The following PDGFRL variants were observed in gnomAD, a reference collection of about 807,000 sequenced individuals.
The protein encoded by PDGFRL is platelet derived growth factor receptor like, also known as platelet-derived growth factor receptor-like protein.
In PDGFRL, 46 loss-of-function variants were observed where a neutral mutation model predicts 37.2. That is an observed-to-expected ratio of 1.24 (90% CI 0.98 to 1.58). The LOEUF is 1.58. Among genes scored for constraint, PDGFRL ranks in the 40% most tolerant of loss-of-function variants. The probability of loss-of-function intolerance (pLI) is 0.00; values close to 1 mark genes in which losing one functional copy is unlikely to be tolerated. For synonymous variants in PDGFRL, 251 were observed against 184.3 expected, an observed-to-expected ratio of 1.36 and a Z score of -2.93; for missense variants, 692 against 467.6, an observed-to-expected ratio of 1.48 and a Z score of -4.43.
At position 17,628,705 on chromosome 8, in the gene PDGFRL, G is replaced by A. The variant is rs766969475; in HGVS notation, c.724G>A (p.Gly242Ser). 3 of 1,614,048 alleles carry A rather than the reference G, an allele frequency of 1.9e-6. No homozygotes were observed. The highest frequency in any genetic ancestry group is 1.7e-5 in the Admixed American group (1 of 60,014). ...VYLQPHSEHQ[G>S]VVYCRAEAGG... is the part of the protein sequence containing the mutation. ...TCTGCAACCTCATTCCGAGCACCAG[G>A]GTGTGGTTTACTGCAGGGCGGAGGC... is the stretch of plus-strand genomic sequence containing the variant. The change falls in exon 4 of 6, where the codon GGT (glycine) becomes AGT (serine). Residue 242 changes from glycine (G) to serine (S), a missense_variant. Coordinates refer to ENST00000251630, the MANE Select transcript of PDGFRL (RefSeq NM_001372073.1).
At chr8:17,585,354 C>T (rs1330935856) in intron 1 of PDGFRL, among the ~76,000 whole-genome samples, 1 of 151,954 alleles carries the variant, frequency 6.6e-6, no homozygotes, top group Non-Finnish European at 1.5e-5. Context: ...AGCCCCTATT[C>T]AAGATGGAGT....
At chr8:17,594,934 G>A (rs984661996) in intron 2 of PDGFRL, among the ~76,000 whole-genome samples, 1 of 152,178 alleles carries the variant, frequency 6.6e-6, no homozygotes, top group African/African-American at 2.4e-5. Flanking sequence ...ACATGGATGT[G>A]CATATATTTC....
In PDGFRL at chr8:17,589,705, G is replaced by T; in HGVS notation, c.293G>T (p.Gly98Val). 2 of 1,613,530 alleles carry T rather than the reference G, an allele frequency of 1.2e-6. No homozygotes were observed. The highest frequency in any genetic ancestry group is 1.7e-6 in the Non-Finnish European group (2 of 1,179,518). Residue 98 changes from glycine (G) to valine (V), a missense_variant, in exon 2 of 6, where the codon GGG (glycine) becomes GTG (valine). Coordinates refer to ENST00000251630, the MANE Select transcript of PDGFRL (RefSeq NM_001372073.1). ...AGQTVELRCK[G>V]SRIGWSYPAY... ...CAAACTGTAGAGCTTCGATGTAAAG[G>T]GAGTAGAATTGGGTGGAGCTACCCT... is the stretch of plus-strand genomic sequence containing the variant.
chr8:17,619,324 T>G (rs752877985), intron 2 of PDGFRL, among the ~76,000 whole-genome samples: 36 of 152,210 alleles, frequency 2.4e-4, no homozygotes, highest in Non-Finnish European at 4.0e-4. Context: ...CACAATATAA[T>G]AGAATTAATT....
chr8:17,605,805 T>G (rs1483579516), intron 2 of PDGFRL, among the ~76,000 whole-genome samples: 1 of 152,244 alleles, frequency 6.6e-6, no homozygotes, highest in African/African-American at 2.4e-5. Flanking sequence ...TTAGCATTTT[T>G]TCAGTCAAAA....
At chr8:17,630,780 A>C (rs1804845833) in intron 4 of PDGFRL, among the ~76,000 whole-genome samples, 1 of 151,894 alleles carries the variant, frequency 6.6e-6, no homozygotes, top group African/African-American at 2.4e-5. Flanking sequence ...ACAGATAGTG[A>C]CTCCAGTGGT....
At chr8:17,583,973 C>G (rs1230059889) in intron 1 of PDGFRL, among the ~76,000 whole-genome samples, 2 of 152,276 alleles carry the variant, frequency 1.3e-5, no homozygotes, top group East Asian at 3.9e-4. Context: ...CCTCAGCTAT[C>G]CCTTTATAGC....
chr8:17,643,078 A>G lies in PDGFRL; in HGVS notation c.*277A>G, dbSNP rs1440930542. 6.2e-6 allele frequency: 2 copies of G among 322,308 alleles called. No individual in the cohort carries two copies. The highest frequency in any genetic ancestry group is 5.7e-5 in the East Asian group (1 of 17,632). The allele number at this position is 322,308 out of a possible 1,614,324, so 20.0% of individuals were successfully genotyped here. On this transcript the variant is annotated 3_prime_UTR_variant, in exon 6 of 6. Coordinates refer to ENST00000251630, the MANE Select transcript of PDGFRL (RefSeq NM_001372073.1). ...ATGTGTAAACAATTTTATATAATCA[A>G]TCATTTCTATTAAATGAGCACGTTT...
chr8:17,616,047 A>T (rs531888161), intron 2 of PDGFRL, among the ~76,000 whole-genome samples: 1 of 152,350 alleles, frequency 6.6e-6, no homozygotes, highest in East Asian at 1.9e-4. Context: ...AAGTCTGAAG[A>T]GTAGGTGAAG....
At chr8:17,601,472 C>G (rs1260416914) in intron 2 of PDGFRL, among the ~76,000 whole-genome samples, 13 of 148,860 alleles carry the variant, frequency 8.7e-5, no homozygotes. Context: ...TTTTTTTCCT[C>G]TTTCTAACTT....
In PDGFRL at chr8:17,628,442, T is replaced by C. The variant is rs199740487; in HGVS notation, c.506-45T>C. ...AAAATCCTTAAGGGTGCTTTTACTT[T>C]GCGTCTCCGGAGTGAATAAGCCTGT... On this transcript the variant is annotated intron_variant, in intron 3 of 5. Transcript: ENST00000251630. 1.4e-4 allele frequency: 215 copies of C among 1,520,858 alleles called. No individual in the cohort carries two copies. In the East Asian group the frequency reaches 3.7e-3, roughly 26 times the overall value. 94.2% of individuals were successfully genotyped at this position (1,520,858 alleles called of 1,614,324 possible).
At position 17,585,657 on chromosome 8, in the gene PDGFRL, T is replaced by C. The variant is rs557265308; in HGVS notation, c.56-3811T>C. ...TGAGGAGCTACTTTTAGGGATGGCCTTTCCCCTTTACTGCCCATCAGGGAG... is the reference window on the plus strand; with the variant it reads ...TGAGGAGCTACTTTTAGGGATGGCCCTTCCCCTTTACTGCCCATCAGGGAG... On this transcript the variant is annotated intron_variant, in intron 1 of 5. Coordinates refer to ENST00000251630, the MANE Select transcript of PDGFRL (RefSeq NM_001372073.1). Among the ~76,000 whole-genome samples, 532 of 152,250 alleles carry C rather than the reference T, an allele frequency of 3.5e-3. 3 individuals are homozygous for C. The highest frequency in any genetic ancestry group is 6.8e-3 in the Middle Eastern group (2 of 294).
Position 17,642,675 on chromosome 8 carries a change from C to A in PDGFRL, c.1002C>A (p.Thr334=). 1 of 1,604,532 alleles carries A rather than the reference C, an allele frequency of 6.2e-7. No homozygotes were observed. Among genetic ancestry groups the A allele is most frequent in the Admixed American group, 1.7e-5 (1 of 60,024 alleles). The stretch of plus-strand genomic sequence containing the variant: ...TGATCCACAGAGGACTGGGACACAC[C>A]ACGAGAATCTCCCAGAGTGTCATTA... ...WRLIHRGLGH[T]TRISQSVITV... is the part of the protein sequence containing the mutation. The change falls in exon 6 of 6, where the codon ACC becomes ACA. Residue 334 remains threonine, a synonymous_variant. Transcript: ENST00000251630.
At chr8:17,608,681 A>G (rs959343448) in intron 2 of PDGFRL, among the ~76,000 whole-genome samples, 1 of 152,126 alleles carries the variant, frequency 6.6e-6, no homozygotes, top group Admixed American at 6.5e-5. Flanking sequence ...TGAGGGGGGA[A>G]AAAAGACAGA....
intron 2 of PDGFRL, among the ~76,000 whole-genome samples, chr8:17,590,943 T>TG (rs946180377): frequency 4.7e-5 from 7 of 149,052 alleles, no homozygotes; most frequent in African/African-American, 1.5e-4. Flanking sequence ...AGTGCAGTGG[T>TG]GCCATCTTGG....
chr8:17,624,919 C>A (rs1274037348), intron 3 of PDGFRL, among the ~76,000 whole-genome samples: 1 of 152,062 alleles, frequency 6.6e-6, no homozygotes, highest in Non-Finnish European at 1.5e-5. Flanking sequence ...TCTCAAAATA[C>A]TGAATTTGTT....
At chr8:17,638,670 G>A (rs1315791855) in intron 5 of PDGFRL, among the ~76,000 whole-genome samples, 1 of 140,910 alleles carries the variant, frequency 7.1e-6, no homozygotes, top group Admixed American at 7.5e-5. Flanking sequence ...TTACTGTGTT[G>A]CAGTCTATCT....
chr8:17,631,496 A>C (rs1804860443), intron 4 of PDGFRL, among the ~76,000 whole-genome samples: 1 of 151,788 alleles, frequency 6.6e-6, no homozygotes, highest in African/African-American at 2.4e-5. Context: ...CCTGTTACCA[A>C]ATCCCTCTCA....
At chr8:17,585,150 C>T (rs56383452) in intron 1 of PDGFRL, among the ~76,000 whole-genome samples, 34,519 of 152,010 alleles carry the variant, frequency 0.23, 4,302 homozygotes, top group Non-Finnish European at 0.27. Flanking sequence ...ATATAATGAT[C>T]AGTGAGGATG....
Sources: allele counts gnomAD v4.1 joint callset (sites outside exome capture counted in the v4.1 genomes callset), GRCh38; gene constraint gnomAD v4.1.1; transcripts MANE v1.5; gene names NCBI Gene and HGNC (gene_info 2026-07-23, HGNC 2026-07-21).